The following LRBA variants were observed in gnomAD, a reference collection of about 807,000 sequenced individuals.
LRBA encodes lipopolysaccharide-responsive and beige-like anchor protein.
LRBA carries 176 observed loss-of-function variants against 330.0 expected under a neutral mutation model. The ratio of observed to expected loss-of-function variants is 0.53; its 90% CI spans 0.47 to 0.60. LRBA has a LOEUF of 0.60. Among genes scored for constraint, LRBA ranks in the 20% least tolerant of loss-of-function variants. LRBA has a pLI of 0.00. For synonymous variants in LRBA, 1,230 were observed against 1,193.0 expected, an observed-to-expected ratio of 1.03 and a Z score of -0.64; for missense variants, 3,259 against 3,444.8, an observed-to-expected ratio of 0.95 and a Z score of 1.35.
Position 150,644,684 on chromosome 4 carries a change from T to A in LRBA, c.5921+38867A>T, listed in dbSNP as rs1778970854. On this transcript the variant is annotated intron_variant, in intron 37 of 56. Transcript: ENST00000651943. ...CATTGTTGTTTATTCAAGGAGTAAA[T>A]GACTATTTTGAAGTGATTGAAAAAC... Among the ~76,000 whole-genome samples, 4 of 152,066 alleles carry A rather than the reference T, an allele frequency of 2.6e-5. No individual in the cohort carries two copies. In the South Asian group the frequency reaches 8.3e-4, roughly 31 times the overall value.
At chr4:150,803,991 G>T (rs1742170736) in intron 33 of LRBA, among the ~76,000 whole-genome samples, 1 of 151,842 alleles carries the variant, frequency 6.6e-6, no homozygotes, top group South Asian at 2.1e-4. Flanking sequence ...ATACTGAGAG[G>T]CTGTATTTAA....
chr4:150,405,666 G>A (rs1746097620), intron 47 of LRBA, among the ~76,000 whole-genome samples: 1 of 151,786 alleles, frequency 6.6e-6, no homozygotes, highest in South Asian at 2.1e-4. Flanking sequence ...ATAAATAATA[G>A]CACAAATTAG....
At chr4:150,722,641 C>T (rs1429851635) in intron 36 of LRBA, among the ~76,000 whole-genome samples, 2 of 151,818 alleles carry the variant, frequency 1.3e-5, no homozygotes, top group Non-Finnish European at 2.9e-5. Flanking sequence ...CAGAGGAGGG[C>T]AGAGCACGAT....
chr4:150,985,555 G>T (rs183940088), intron 2 of LRBA, among the ~76,000 whole-genome samples: 2 of 150,992 alleles, frequency 1.3e-5, no homozygotes, highest in Non-Finnish European at 2.9e-5. Flanking sequence ...CTGGAGTGCA[G>T]TGGCACCATC....
At chr4:150,599,509 T>G (rs1244504843) in intron 37 of LRBA, among the ~76,000 whole-genome samples, 1 of 152,204 alleles carries the variant, frequency 6.6e-6, no homozygotes, top group African/African-American at 2.4e-5. Context: ...TAAACCAGAA[T>G]AGGGAAAAGG....
At chr4:150,711,446 C>T (rs555237457) in intron 36 of LRBA, among the ~76,000 whole-genome samples, 46 of 152,084 alleles carry the variant, frequency 3.0e-4, no homozygotes, top group Admixed American at 2.2e-3. Flanking sequence ...CCATGTTGGC[C>T]AGGCTGGTCT....
At chr4:150,743,128 C>G (rs1180090589) in intron 35 of LRBA, among the ~76,000 whole-genome samples, 1 of 152,052 alleles carries the variant, frequency 6.6e-6, no homozygotes, top group Non-Finnish European at 1.5e-5. Context: ...AGTCACCACC[C>G]CCGGCTAATT....
chr4:150,534,606 G>A (rs368866283), intron 40 of LRBA, among the ~76,000 whole-genome samples: 1 of 151,828 alleles, frequency 6.6e-6, no homozygotes, highest in Non-Finnish European at 1.5e-5. Flanking sequence ...TAGCCTAAAC[G>A]TTTTTAGATA....
chr4:150,453,380 TG>T (rs1554030754), intron 44 of LRBA, among the ~76,000 whole-genome samples: 2 of 152,186 alleles, frequency 1.3e-5, no homozygotes, highest in Non-Finnish European at 2.9e-5. Flanking sequence ...TATGGCCGAT[TG>T]ATTTCCAACA....
chr4:150,849,935 C>T (rs1002994517), intron 24 of LRBA, among the ~76,000 whole-genome samples: 1 of 151,814 alleles, frequency 6.6e-6, no homozygotes, highest in Non-Finnish European at 1.5e-5. Context: ...TTCTGTAATG[C>T]CTATAAAATG....
chr4:150,696,841 C>CCG (rs1784659746), intron 36 of LRBA, among the ~76,000 whole-genome samples: 1 of 65,356 alleles, frequency 1.5e-5, no homozygotes, highest in Admixed American at 1.8e-4. Flanking sequence ...AGTCCCATCT[C>CCG]CACAAAAAAA....
intron 5 of LRBA, among the ~76,000 whole-genome samples, chr4:150,920,304 T>C (rs960753412): frequency 3.3e-5 from 5 of 152,162 alleles, no homozygotes; most frequent in African/African-American, 1.2e-4. Flanking sequence ...ATCCCAGCAC[T>C]TCGGGAGGCT....
intron 44 of LRBA, among the ~76,000 whole-genome samples, chr4:150,447,567 C>A (rs1370973690): frequency 6.6e-6 from 1 of 152,164 alleles, no homozygotes; most frequent in Non-Finnish European, 1.5e-5. Flanking sequence ...CTCCAGCCTG[C>A]AGATGGCAGA....
At chr4:150,706,701 A>G (rs1001050347) in intron 36 of LRBA, among the ~76,000 whole-genome samples, 3 of 151,728 alleles carry the variant, frequency 2.0e-5, no homozygotes, top group Non-Finnish European at 4.4e-5. Context: ...AACATATATC[A>G]CAGAGTTGAT....
intron 42 of LRBA, among the ~76,000 whole-genome samples, chr4:150,476,357 C>T (rs993353770): frequency 6.6e-6 from 1 of 152,040 alleles, no homozygotes; most frequent in African/African-American, 2.4e-5. Context: ...GAGTTGCTGG[C>T]CACAGAAGTA....
intron 40 of LRBA, among the ~76,000 whole-genome samples, chr4:150,521,260 CTCT>C (rs1268937194): frequency 6.6e-6 from 1 of 151,658 alleles, no homozygotes; most frequent in Non-Finnish European, 1.5e-5. Flanking sequence ...GTTTAATTTG[CTCT>C]TCTTCTGACT....
At chr4:150,538,839 T>C (rs1764987521) in intron 40 of LRBA, among the ~76,000 whole-genome samples, 1 of 150,100 alleles carries the variant, frequency 6.7e-6, no homozygotes, top group Non-Finnish European at 1.5e-5. Context: ...AACAAAAAAC[T>C]ACCTATTGGG....
chr4:150,712,696 G>A (rs778047446), intron 36 of LRBA, among the ~76,000 whole-genome samples: 6 of 152,028 alleles, frequency 3.9e-5, no homozygotes, highest in African/African-American at 7.2e-5. Context: ...ATTACGCTAC[G>A]ATTACAATTC....
chr4:150,722,461 G>T (rs1475293166), intron 36 of LRBA, among the ~76,000 whole-genome samples: 2 of 151,980 alleles, frequency 1.3e-5, no homozygotes, highest in East Asian at 3.9e-4. Context: ...AGTACTATAA[G>T]AAATGTGATT....
Sources: gnomAD v4.1 joint callset for allele counts (sites outside exome capture counted in the v4.1 genomes callset) on GRCh38, gnomAD v4.1.1 for gene constraint, MANE v1.5 for transcripts, NCBI Gene and HGNC (gene_info 2026-07-23, HGNC 2026-07-21) for gene names.